RASGRP1: variants seen among roughly 807,000 people sequenced by gnomAD.
The protein encoded by RASGRP1 is RAS guanyl releasing protein 1.
In RASGRP1, 37 loss-of-function variants were observed where a neutral mutation model predicts 95.1. The observed-to-expected ratio is 0.39, with a 90% CI of 0.30 to 0.51. RASGRP1 has a LOEUF of 0.51. Among genes scored for constraint, RASGRP1 ranks in the 20% least tolerant of loss-of-function variants. The probability of loss-of-function intolerance (pLI) is 0.80; values close to 1 mark genes in which losing one functional copy is unlikely to be tolerated. For missense variants in RASGRP1, 711 were observed against 965.4 expected, an observed-to-expected ratio of 0.74 and a Z score of 3.49; for synonymous variants, 325 against 353.4, an observed-to-expected ratio of 0.92 and a Z score of 0.90.
intron 11 of RASGRP1, 29 bp from the exon 12 acceptor site, chr15:38,502,450 A>G (rs1340539527): frequency 7.2e-7 from 1 of 1,394,050 alleles, no homozygotes; most frequent in Admixed American, 1.8e-5. Flanking sequence ...TTTGGTGATT[A>G]CTAAAGAGAA....
intron 2 of RASGRP1, among the ~76,000 whole-genome samples, chr15:38,543,247 T>A (rs1892974657): frequency 6.6e-6 from 1 of 152,134 alleles, no homozygotes; most frequent in South Asian, 2.1e-4. Flanking sequence ...ACAGTTCATT[T>A]TTTTTCATGA....
intron 6 of RASGRP1, among the ~76,000 whole-genome samples, chr15:38,515,910 A>AGAGAGTGTGT (rs779224083): frequency 1.7e-3 from 237 of 143,518 alleles, no homozygotes; most frequent in Middle Eastern, 3.5e-3. Context: ...AGAGAGAGAG[A>AGAGAGTGTGT]GTGTGTGTGT....
At chr15:38,502,195 C>CT in intron 12 of RASGRP1, 117 bp downstream of exon 12, 1 of 729,290 alleles carries the variant, frequency 1.4e-6, no homozygotes, top group Admixed American at 2.7e-5. Context: ...ATGGTCTGTT[C>CT]TTTAAGTGAT....
chr15:38,510,197 T>TG (rs974808532), intron 8 of RASGRP1, among the ~76,000 whole-genome samples: 10 of 152,224 alleles, frequency 6.6e-5, no homozygotes, highest in South Asian at 2.1e-4. Context: ...AGCACTGCTG[T>TG]GGGGGGACCC....
In RASGRP1 at chr15:38,507,943, C is replaced by T. The variant is rs764712824; in HGVS notation, c.1025G>A (p.Arg342Gln). 9.9e-6 allele frequency: 16 copies of T among 1,611,802 alleles called. No homozygotes were observed. The highest frequency in any genetic ancestry group is 1.3e-5 in the Non-Finnish European group (15 of 1,179,246). Residue 342 changes from arginine to glutamine, a missense_variant, in exon 9 of 17, where the codon CGA becomes CAA. By Grantham distance (43) the Arg-to-Gln change is conservative. Coordinates refer to ENST00000310803, the MANE Select transcript of RASGRP1 (RefSeq NM_005739.4). ...GAAGTCGGTGCACTCTCCATAGGCT[C>T]GCCGGTAATTGTCGTAGTTTCTGGA... ...SSSRNYDNYR[R>Q]AYGECTDFKI... is the part of the protein sequence containing the mutation.
chr15:38,549,966 A>G (rs1566936495), intron 2 of RASGRP1, among the ~76,000 whole-genome samples: 1 of 152,018 alleles, frequency 6.6e-6, no homozygotes, highest in Non-Finnish European at 1.5e-5. Context: ...ATTCCCTTAG[A>G]AGGTTAATAG....
intron 13 of RASGRP1, 22 bp from the exon 14 acceptor site, chr15:38,500,161 GCAC>G (rs751185908): frequency 6.2e-7 from 1 of 1,611,900 alleles, no homozygotes; most frequent in East Asian, 2.2e-5. Flanking sequence ...GAGACAGAAT[GCAC>G]CACATGTCAT....
intron 2 of RASGRP1, among the ~76,000 whole-genome samples, chr15:38,540,093 A>T (rs528674328): frequency 3.8e-4 from 58 of 151,660 alleles, no homozygotes; most frequent in African/African-American, 1.2e-3. Flanking sequence ...ATTCTTTTTT[A>T]TTATTATTAT....
At chr15:38,535,373 T>C (rs1255260111) in intron 2 of RASGRP1, among the ~76,000 whole-genome samples, 1 of 152,146 alleles carries the variant, frequency 6.6e-6, no homozygotes, top group African/African-American at 2.4e-5. Flanking sequence ...CAGGAAGCCC[T>C]ACACCCCCAA....
chr15:38,493,145 G>T (rs1035054433), intron 16 of RASGRP1, among the ~76,000 whole-genome samples: 8 of 148,964 alleles, frequency 5.4e-5, no homozygotes, highest in Non-Finnish European at 1.0e-4. Flanking sequence ...CTCCCAAAGT[G>T]CTAGGATAAC....
intron 2 of RASGRP1, among the ~76,000 whole-genome samples, chr15:38,548,784 T>C (rs1893208585): frequency 1.3e-5 from 2 of 152,240 alleles, no homozygotes; most frequent in African/African-American, 4.8e-5. Flanking sequence ...TTTAAGTCTC[T>C]TTTAATCCAG....
Position 38,494,672 on chromosome 15 carries a change from A to G in RASGRP1, c.1969T>C (p.Ser657Pro), listed in dbSNP as rs369010965. 3 of 1,542,478 alleles carry G rather than the reference A, an allele frequency of 1.9e-6. No individual in the cohort carries two copies. The African/African-American group carries it at 4.2e-5, about 21-fold the overall frequency. Residue 657 changes from serine to proline, a missense_variant, in exon 16 of 17, where the codon TCA becomes CCA. By Grantham distance (74) the Ser-to-Pro change is moderately conservative. Transcript: ENST00000310803. ...TTCAGCCGAAGAGAAATCTTCTGTG[A>G]GGACACTCCCATCAGCATGATGGTC... ...DRTIMLMGVS[S>P]QKISLRLKRA...
intron 6 of RASGRP1, 48 bp from the exon 7 acceptor site, chr15:38,513,004 A>T (rs1397465247): frequency 1.1e-5 from 16 of 1,420,052 alleles, no homozygotes; most frequent in Non-Finnish European, 1.4e-5. Context: ...TCAGTACTGT[A>T]CTCTGGTATT....
intron 14 of RASGRP1, 192 bp from the exon 15 acceptor site, chr15:38,499,138 G>A: frequency 1.3e-6 from 1 of 775,254 alleles, no homozygotes; most frequent in Non-Finnish European, 2.3e-6. Context: ...CACTCTTGAT[G>A]TAGCCCTTAT....
intron 3 of RASGRP1, among the ~76,000 whole-genome samples, chr15:38,522,852 G>A (rs533176737): frequency 1.3e-5 from 2 of 152,288 alleles, no homozygotes; most frequent in East Asian, 1.9e-4. Context: ...CATTAACTCC[G>A]TAGTCTGCAG....
chr15:38,510,552 A>G (rs546459641), intron 8 of RASGRP1, among the ~76,000 whole-genome samples: 2 of 152,326 alleles, frequency 1.3e-5, no homozygotes. Context: ...GTTTGGAAGG[A>G]TTGGGGCTTG....
In RASGRP1 at chr15:38,506,672, G is replaced by A. The variant is rs150800035; in HGVS notation, c.1243-752C>T. On this transcript the variant is annotated intron_variant, in intron 9 of 16. Coordinates refer to ENST00000310803, the MANE Select transcript of RASGRP1 (RefSeq NM_005739.4). ...AAAAAAAAAAAATAGTGAGTTTCATGTATCTTAGAACTATAAAATTTTAGG... is the reference window on the plus strand; with the variant it reads ...AAAAAAAAAAAATAGTGAGTTTCATATATCTTAGAACTATAAAATTTTAGG... 7.9e-4 allele frequency among the ~76,000 whole-genome samples: 118 copies of A among 148,800 alleles called. 2 individuals are homozygous for A. The highest frequency in any genetic ancestry group is 2.8e-3 in the African/African-American group (114 of 40,620).
chr15:38,497,567 A>G lies in RASGRP1; in HGVS notation c.1873+1227T>C, dbSNP rs141313984. Among the ~76,000 whole-genome samples the G allele has an allele frequency of 5.5e-4, 83 of 152,292 alleles. 1 individual carries two copies. Among genetic ancestry groups the G allele is most frequent in the African/African-American group, 1.9e-3 (77 of 41,564 alleles). ...TCCATAAAGTCCCAACAGCCCCAGTACAGCGATCTCTCTGCTATGTCCTCC... is the reference window on the plus strand; with the variant it reads ...TCCATAAAGTCCCAACAGCCCCAGTGCAGCGATCTCTCTGCTATGTCCTCC... On this transcript the variant is annotated intron_variant, in intron 15 of 16. Transcript: ENST00000310803.
chr15:38,501,881 T>G (rs1354847747), intron 12 of RASGRP1, among the ~76,000 whole-genome samples: 1 of 151,538 alleles, frequency 6.6e-6, no homozygotes, highest in East Asian at 1.9e-4. Context: ...TGAGACAGGT[T>G]TTTGCTCTTG....
Sources: gnomAD v4.1 joint callset for allele counts (sites outside exome capture counted in the v4.1 genomes callset) on GRCh38, gnomAD v4.1.1 for gene constraint, MANE v1.5 for transcripts, NCBI Gene and HGNC (gene_info 2026-07-23, HGNC 2026-07-21) for gene names.